Variants in EPB41L4A observed in about 807,000 individuals in gnomAD.
EPB41L4A encodes erythrocyte membrane protein band 4.1 like 4A.
In EPB41L4A, 100 loss-of-function variants were observed where a neutral mutation model predicts 108.6. That is an observed-to-expected ratio of 0.92 (90% CI 0.78 to 1.09). The LOEUF is 1.09. EPB41L4A is among the 50% of genes least tolerant of loss of function. The pLI, the probability that EPB41L4A is intolerant of heterozygous loss-of-function variation, is 0.00. For synonymous variants in EPB41L4A, 319 were observed against 289.0 expected (o/e 1.10, Z -1.05); for missense variants, 1,030 against 842.7 (o/e 1.22, Z -2.75).
In EPB41L4A at chr5:112,304,343, A is replaced by G. The variant is rs527725763; in HGVS notation, c.204+3043T>C. Among the ~76,000 whole-genome samples, 15 of 152,284 alleles carry G rather than the reference A, an allele frequency of 9.9e-5. No individual in the cohort carries two copies. The East Asian group carries it at 2.5e-3, about 25-fold the overall frequency. ...TCAGGTGCTAACATTAAAGTAAGAC[A>G]TAACTATAATTTCTGGGAATTTTCT... On this transcript the variant is annotated intron_variant, in intron 2 of 22. Transcript: ENST00000261486.
At chr5:112,253,800 A>G (rs1429044115) in intron 9 of EPB41L4A, among the ~76,000 whole-genome samples, 1 of 152,218 alleles carries the variant, frequency 6.6e-6, no homozygotes, top group Non-Finnish European at 1.5e-5. Flanking sequence ...GTTCTTCGTA[A>G]TATTTTAATT....
chr5:112,204,770 A>G (rs935096170), intron 14 of EPB41L4A: 2 of 284,550 alleles, frequency 7.0e-6, no homozygotes, highest in African/African-American at 2.1e-5. Context: ...CATACATATG[A>G]TGAATTTAGC....
intron 1 of EPB41L4A, among the ~76,000 whole-genome samples, chr5:112,318,359 G>A (rs1423263621): frequency 6.6e-6 from 1 of 152,166 alleles, no homozygotes; most frequent in Non-Finnish European, 1.5e-5. Context: ...CTATTTTCAA[G>A]ACTAATTTAA....
intron 13 of EPB41L4A, among the ~76,000 whole-genome samples, chr5:112,206,636 AG>A (rs1316644887): frequency 6.6e-6 from 1 of 152,212 alleles, no homozygotes; most frequent in East Asian, 1.9e-4. Context: ...AGCAAAGAGA[AG>A]GGAGAAGGGA....
chr5:112,319,409 T>A (rs956040989), intron 1 of EPB41L4A, among the ~76,000 whole-genome samples: 1 of 152,164 alleles, frequency 6.6e-6, no homozygotes, highest in Non-Finnish European at 1.5e-5. Flanking sequence ...GTAGAAGGAA[T>A]GACAGAATAA....
intron 1 of EPB41L4A, among the ~76,000 whole-genome samples, chr5:112,345,819 ACACG>A (rs1285998370): frequency 1.1e-4 from 17 of 149,094 alleles, no homozygotes; most frequent in East Asian, 6.1e-4. Flanking sequence ...ACACACACAC[ACACG>A]CACACATAAA....
intron 9 of EPB41L4A, among the ~76,000 whole-genome samples, chr5:112,246,782 T>C (rs753009818): frequency 1.2e-4 from 19 of 152,238 alleles, no homozygotes; most frequent in Middle Eastern, 6.8e-3. Context: ...TGTCATCCTA[T>C]GTAAAAAAAA....
intron 1 of EPB41L4A, among the ~76,000 whole-genome samples, chr5:112,361,042 G>A (rs567890364): frequency 4.3e-3 from 662 of 152,194 alleles, no homozygotes; most frequent in Non-Finnish European, 7.8e-3. Context: ...CATTGAGAAC[G>A]GGCCATGATG....
chr5:112,220,592 T>G (rs1193145555), intron 12 of EPB41L4A, among the ~76,000 whole-genome samples: 2 of 152,184 alleles, frequency 1.3e-5, no homozygotes. Context: ...AAACTACCTG[T>G]GCCCAAGTAC....
intron 22 of EPB41L4A, 118 bp downstream of exon 22, chr5:112,168,621 G>T: frequency 1.4e-6 from 1 of 706,502 alleles, no homozygotes; most frequent in Non-Finnish European, 2.4e-6. Flanking sequence ...CAGAATCTCA[G>T]AATGACATTA....
intron 3 of EPB41L4A, among the ~76,000 whole-genome samples, chr5:112,276,162 G>A (rs10038904): frequency 0.066 from 10,068 of 152,088 alleles, 385 homozygotes; most frequent in African/African-American, 0.076. Flanking sequence ...TAAAATTAGG[G>A]ACAATATTTG....
At chr5:112,348,436 A>ATTCC (rs1757826557) in intron 1 of EPB41L4A, among the ~76,000 whole-genome samples, 1 of 152,182 alleles carries the variant, frequency 6.6e-6, no homozygotes, top group Non-Finnish European at 1.5e-5. Flanking sequence ...GCCAAAACCT[A>ATTCC]CTTTATGGGA....
chr5:112,267,784 A>C (rs1338817823), intron 4 of EPB41L4A, among the ~76,000 whole-genome samples: 1 of 152,104 alleles, frequency 6.6e-6, no homozygotes, highest in African/African-American at 2.4e-5. Flanking sequence ...TTTCAGTTAA[A>C]AAAAAAACAA....
intron 1 of EPB41L4A, among the ~76,000 whole-genome samples, chr5:112,353,739 G>T (rs1442144727): frequency 6.6e-6 from 1 of 152,124 alleles, no homozygotes; most frequent in African/African-American, 2.4e-5. Context: ...GGGTGGAGTG[G>T]GGAATCCTTG....
downstream of EPB41L4A, among the ~76,000 whole-genome samples, chr5:112,159,132 C>T (rs914833398): frequency 2.0e-5 from 3 of 151,716 alleles, no homozygotes; most frequent in African/African-American, 7.3e-5. Flanking sequence ...CATGCTAGTC[C>T]TTGTGTGATG....
intron 1 of EPB41L4A, among the ~76,000 whole-genome samples, chr5:112,400,824 AACATTT>A (rs1761698647): frequency 1.3e-5 from 2 of 152,216 alleles, no homozygotes; most frequent in Non-Finnish European, 2.9e-5. Context: ...CAAAGGTATT[AACATTT>A]ACTGAACACC....
intron 16 of EPB41L4A, among the ~76,000 whole-genome samples, chr5:112,195,419 A>G (rs1252398813): frequency 1.3e-5 from 2 of 151,986 alleles, no homozygotes; most frequent in African/African-American, 4.8e-5. Flanking sequence ...TGAGTTCTGC[A>G]GTGGTTTATA....
intron 17 of EPB41L4A, among the ~76,000 whole-genome samples, chr5:112,184,887 C>G (rs568994635): frequency 9.9e-5 from 15 of 152,218 alleles, no homozygotes; most frequent in African/African-American, 2.9e-4. Flanking sequence ...TTAAAGTGAA[C>G]TCTTCTAATT....
At chr5:112,334,157 A>C (rs991264250) in intron 1 of EPB41L4A, among the ~76,000 whole-genome samples, 2 of 152,186 alleles carry the variant, frequency 1.3e-5, no homozygotes, top group African/African-American at 2.4e-5. Context: ...CTGACAAAAC[A>C]AACCCTTTTT....
Sources: allele counts gnomAD v4.1 joint callset (sites outside exome capture counted in the v4.1 genomes callset), GRCh38; gene constraint gnomAD v4.1.1; transcripts MANE v1.5; gene names NCBI Gene and HGNC (gene_info 2026-07-23, HGNC 2026-07-21).